The following CCDC146 variants were observed in gnomAD, a reference collection of about 807,000 sequenced individuals.
CCDC146 encodes the protein coiled-coil domain-containing protein 146.
A neutral mutation model predicts 119.3 loss-of-function variants in CCDC146; 92 were observed. The observed-to-expected ratio is 0.77, with a 90% CI of 0.65 to 0.92. The LOEUF is 0.92. CCDC146 is among the 40% of genes least tolerant of loss of function. The probability of loss-of-function intolerance (pLI) is 0.00; values close to 1 mark genes in which losing one functional copy is unlikely to be tolerated. For synonymous variants in CCDC146, 372 were observed against 371.8 expected, an observed-to-expected ratio of 1.00 and a Z score of -0.01; for missense variants, 1,000 against 1,103.0, an observed-to-expected ratio of 0.91 and a Z score of 1.32.
chr7:77,149,615 A>C (rs1030183617), intron 1 of CCDC146, among the ~76,000 whole-genome samples: 8 of 151,858 alleles, frequency 5.3e-5, no homozygotes, highest in African/African-American at 1.9e-4. Flanking sequence ...AAAATACAAA[A>C]ATTAGCTGGG....
rs1793868903 is a variant in CCDC146 at position 77,287,461 on chromosome 7, A to G, written c.2299A>G (p.Lys767Glu). The change falls in exon 17 of 19, where the codon AAG (lysine) becomes GAG (glutamate). Residue 767 changes from lysine (K) to glutamate (E), a missense_variant. Physicochemically the swap from Lys to Glu is moderately conservative, Grantham distance 56. Coordinates refer to ENST00000285871, the MANE Select transcript of CCDC146 (RefSeq NM_020879.3). Reference sequence around the variant, plus strand: ...ATAGCTGGAACTACAACTGGCCAAGAAGGAGGAGAAGCTGCTGGAGAAGGA... The same window carrying G: ...ATAGCTGGAACTACAACTGGCCAAGGAGGAGGAGAAGCTGCTGGAGAAGGA... ...LDKLELQLAK[K>E]EEKLLEKDFI... 1 of 1,614,072 alleles carries G rather than the reference A, an allele frequency of 6.2e-7. No individual in the cohort carries two copies. Among genetic ancestry groups the G allele is most frequent in the Non-Finnish European group, 8.5e-7 (1 of 1,179,982 alleles).
Position 77,274,583 on chromosome 7 carries a change from C to A in CCDC146, c.1371C>A (p.Asn457Lys). ...EQENMKELVV[N>K]LLRMTQIKID... ...AAAACATGAAAGAGCTAGTAGTCAACCTTCTCCGCATGACTCAAATCAAAA... is the reference window on the plus strand; with the variant it reads ...AAAACATGAAAGAGCTAGTAGTCAAACTTCTCCGCATGACTCAAATCAAAA... Residue 457 changes from asparagine to lysine, a missense_variant, in exon 11 of 19, where the codon AAC becomes AAA. Around this residue, in one of 2 missense-constraint regions of CCDC146, gnomAD observed 985 missense variants for 1,045.3 expected, o/e 0.94. Coordinates refer to ENST00000285871, the MANE Select transcript of CCDC146 (RefSeq NM_020879.3). 1 of 1,613,284 alleles carries A rather than the reference C, an allele frequency of 6.2e-7. No individual in the cohort carries two copies. Among genetic ancestry groups the A allele is most frequent in the African/African-American group, 1.3e-5 (1 of 74,994 alleles).
At chr7:77,279,139 G>C (rs764591705) in intron 13 of CCDC146, 38 bp downstream of exon 13, 1 of 1,588,324 alleles carries the variant, frequency 6.3e-7, no homozygotes, top group Non-Finnish European at 8.5e-7. Flanking sequence ...TCAAAGGCTT[G>C]TTTTCTGATT....
intron 1 of CCDC146, among the ~76,000 whole-genome samples, chr7:77,165,574 G>C (rs1262911700): frequency 2.0e-5 from 3 of 152,188 alleles, no homozygotes; most frequent in African/African-American, 7.2e-5. Flanking sequence ...CTTGAGTGCA[G>C]ATTGGCAAAA....
rs1791933103 is a variant in CCDC146 at position 77,199,232 on chromosome 7, C to T, written c.156+31408C>T. On this transcript the variant is annotated intron_variant, in intron 2 of 18. Coordinates refer to ENST00000285871, the MANE Select transcript of CCDC146 (RefSeq NM_020879.3). ...CTGGGACACTTTGAACATTTGCCAT[C>T]CAAACTATTGACAACAAATGTTAGA... The T allele has an allele frequency of 1.9e-6, 3 of 1,613,956 alleles. No homozygotes were observed. Among genetic ancestry groups the T allele is most frequent in the Non-Finnish European group, 2.5e-6 (3 of 1,179,906 alleles).
chr7:77,203,269 C>G (rs1206002049), intron 2 of CCDC146, among the ~76,000 whole-genome samples: 8 of 151,968 alleles, frequency 5.3e-5, no homozygotes, highest in Non-Finnish European at 1.0e-4. Flanking sequence ...AAATTTGCCT[C>G]TGATTGCAGT....
intron 2 of CCDC146, chr7:77,195,966 T>G: frequency 4.0e-6 from 1 of 252,116 alleles, no homozygotes. Context: ...CAACAATTAT[T>G]TTTTAAATAC....
intron 2 of CCDC146, among the ~76,000 whole-genome samples, chr7:77,176,114 C>CATGGT (rs1205616097): frequency 6.6e-6 from 1 of 151,100 alleles, no homozygotes; most frequent in Non-Finnish European, 1.5e-5. Context: ...CATGTATGCA[C>CATGGT]ATACTTGGAA....
chr7:77,146,755 T>C (rs1175171043), intron 1 of CCDC146, among the ~76,000 whole-genome samples: 3 of 152,242 alleles, frequency 2.0e-5, no homozygotes, highest in African/African-American at 7.2e-5. Flanking sequence ...ACTTCTGGCT[T>C]GTAGAGTTTC....
chr7:77,163,468 A>G (rs930631961), intron 1 of CCDC146, among the ~76,000 whole-genome samples: 9 of 152,164 alleles, frequency 5.9e-5, no homozygotes, highest in Admixed American at 2.0e-4. Flanking sequence ...ATACACATAT[A>G]TACGTATTTT....
At chr7:77,208,170 T>C (rs978246511) in intron 2 of CCDC146, among the ~76,000 whole-genome samples, 4 of 152,180 alleles carry the variant, frequency 2.6e-5, no homozygotes, top group African/African-American at 2.4e-5. Flanking sequence ...ATCATTAGGT[T>C]CTCCTCTTGA....
Position 77,259,060 on chromosome 7 carries a change from CA to C in CCDC146, c.756del (p.Val253Ter). The C allele has an allele frequency of 3.1e-6, 5 of 1,596,834 alleles. No homozygotes were observed. The South Asian group carries it at 3.3e-5, about 11-fold the overall frequency. Reference sequence around the variant, plus strand: ...GAAAAGAGATAGAAAAAATAACACGCAAAAAAGTGTATGATTTAATATTTTT... The same window carrying C: ...GAAAAGAGATAGAAAAAATAACACGCAAAAAGTGTATGATTTAATATTTTT... ...IGKEIEKITR[K>X]KVEMEKKKIV... is the part of the protein sequence containing the mutation. On this transcript the variant is annotated frameshift_variant, in exon 7 of 19. Transcript: ENST00000285871. LOFTEE classifies it high-confidence loss of function.
At chr7:77,182,350 C>A (rs749009433) in intron 2 of CCDC146, among the ~76,000 whole-genome samples, 52 of 152,190 alleles carry the variant, frequency 3.4e-4, no homozygotes, top group Admixed American at 7.2e-4. Flanking sequence ...CTGAACCTCA[C>A]TTTATACTAA....
At chr7:77,272,779 A>G (rs1584134244) in intron 9 of CCDC146, among the ~76,000 whole-genome samples, 1 of 152,224 alleles carries the variant, frequency 6.6e-6, no homozygotes, top group Non-Finnish European at 1.5e-5. Context: ...ACAAAGACTT[A>G]AAGAGTGAGA....
rs777613142 is a variant in CCDC146, at chr7:77,280,420, C to A, written c.1695-9C>A. On this transcript the variant is annotated splice_polypyrimidine_tract_variant and intron_variant, in intron 13 of 18. Transcript: ENST00000285871. ...TATAATCTTACCCATTGTCTTATTA[C>A]TTTAAAAGAAAGCTACAAAATTCCA... The A allele has an allele frequency of 6.3e-7, 1 of 1,597,988 alleles. No homozygotes were observed. Among genetic ancestry groups the A allele is most frequent in the East Asian group, 2.2e-5 (1 of 44,718 alleles).
chr7:77,202,440 TCA>T (rs1453605151), intron 2 of CCDC146, among the ~76,000 whole-genome samples: 1 of 152,238 alleles, frequency 6.6e-6, no homozygotes, highest in African/African-American at 2.4e-5. Context: ...TTTTGGCTGG[TCA>T]CACCCCAGTT....
intron 1 of CCDC146, among the ~76,000 whole-genome samples, chr7:77,128,953 T>C (rs1027632535): frequency 2.6e-5 from 4 of 152,088 alleles, no homozygotes; most frequent in African/African-American, 9.7e-5. Context: ...CGAAATCCCA[T>C]GTAGAAGAGA....
intron 5 of CCDC146, among the ~76,000 whole-genome samples, chr7:77,255,086 G>T (rs1793152704): frequency 6.6e-6 from 1 of 152,140 alleles, no homozygotes; most frequent in African/African-American, 2.4e-5. Flanking sequence ...CCAGCCATTT[G>T]GTAGGCTACT....
chr7:77,208,037 A>G (rs1275883646), intron 2 of CCDC146, among the ~76,000 whole-genome samples: 1 of 152,150 alleles, frequency 6.6e-6, no homozygotes. Context: ...GTGGTGCTTT[A>G]AGTTGTAGAT....
Sources: allele counts gnomAD v4.1 joint callset (sites outside exome capture counted in the v4.1 genomes callset), GRCh38; gene constraint gnomAD v4.1.1; regional missense constraint gnomAD v4.1.1; transcripts MANE v1.5; gene names NCBI Gene and HGNC (gene_info 2026-07-23, HGNC 2026-07-21).